TMEM178B: variants seen among roughly 807,000 people sequenced by gnomAD.
The protein encoded by TMEM178B is transmembrane protein 178B.
A neutral mutation model predicts 31.0 loss-of-function variants in TMEM178B; 5 were observed. The ratio of observed to expected loss-of-function variants is 0.16; its 90% CI spans 0.08 to 0.34. The LOEUF is 0.34. Among genes scored for constraint, TMEM178B ranks in the 10% least tolerant of loss-of-function variants. The pLI is 1.00. For synonymous variants in TMEM178B, 164 were observed against 164.0 expected (o/e 1.00, Z 0.00); for missense variants, 275 against 400.3 (o/e 0.69, Z 2.67).
chr7:141,301,086 T>C (rs1798716996), intron 2 of TMEM178B, among the ~76,000 whole-genome samples: 1 of 152,158 alleles, frequency 6.6e-6, no homozygotes, highest in Non-Finnish European at 1.5e-5. Flanking sequence ...TCCAGATCCT[T>C]CTGAGTACCG....
intron 2 of TMEM178B, among the ~76,000 whole-genome samples, chr7:141,345,726 C>T (rs1006556721): frequency 6.6e-6 from 1 of 152,170 alleles, no homozygotes; most frequent in Non-Finnish European, 1.5e-5. Context: ...AGTTTAACTA[C>T]TAACTCAAAT....
At chr7:141,132,003 G>A (rs145256406) in intron 1 of TMEM178B, among the ~76,000 whole-genome samples, 10 of 152,104 alleles carry the variant, frequency 6.6e-5, no homozygotes, top group African/African-American at 1.9e-4. Context: ...GTTTGTACAC[G>A]CACTCATTTC....
chr7:141,083,507 C>G (rs945304687), intron 1 of TMEM178B, among the ~76,000 whole-genome samples: 13 of 147,644 alleles, frequency 8.8e-5, no homozygotes, highest in Non-Finnish European at 1.5e-4. Context: ...GAGAGAGAGA[C>G]AGACAGACAG....
chr7:141,160,579 A>C (rs73167446), intron 1 of TMEM178B, among the ~76,000 whole-genome samples: 3 of 152,180 alleles, frequency 2.0e-5, no homozygotes, highest in Non-Finnish European at 4.4e-5. Context: ...GGTGGCCAGA[A>C]GAGTGCTTGC....
At chr7:141,260,458 G>A (rs1195083917) in intron 2 of TMEM178B, among the ~76,000 whole-genome samples, 1 of 152,014 alleles carries the variant, frequency 6.6e-6, no homozygotes, top group African/African-American at 2.4e-5. Context: ...CGTTTGTTGG[G>A]AAAAGGATTT....
chr7:141,388,687 C>A (rs1198313741), intron 2 of TMEM178B, among the ~76,000 whole-genome samples: 2 of 152,174 alleles, frequency 1.3e-5, no homozygotes, highest in Non-Finnish European at 2.9e-5. Flanking sequence ...CCAATCACTG[C>A]AACATAAGTG....
intron 2 of TMEM178B, among the ~76,000 whole-genome samples, chr7:141,425,365 C>G (rs776731193): frequency 2.0e-5 from 3 of 152,200 alleles, no homozygotes; most frequent in Non-Finnish European, 4.4e-5. Context: ...ACTTTGCACT[C>G]TGCACAGCTC....
rs477223 is a variant in TMEM178B at position 141,074,667 on chromosome 7, C to G, written c.357C>G (p.Pro119=). The G allele has an allele frequency of 0.71, 1,080,511 of 1,511,750 alleles. 389,577 individuals carry two copies. Among genetic ancestry groups the G allele is most frequent in the Admixed American group, 0.82 (40,003 of 49,018 alleles). 93.6% of individuals were successfully genotyped at this position (1,511,750 alleles called of 1,614,324 possible). ...WRKCHRQGFD[P]EIAALIRKGE... ...AGTGCCACCGGCAGGGCTTCGACCC[C>G]GAGATCGCCGCCCTCATTCGGAAAG... The change falls in exon 1 of 4, where the codon CCC becomes CCG. Residue 119 remains proline, a synonymous_variant. Transcript: ENST00000565468. The surrounding 1 kb of genome is among the most constrained non-coding windows in gnomAD (Gnocchi z 5.1).
intron 2 of TMEM178B, among the ~76,000 whole-genome samples, chr7:141,363,935 A>G: frequency 6.6e-6 from 1 of 151,552 alleles, no homozygotes; most frequent in Non-Finnish European, 1.5e-5. Flanking sequence ...AAGAATATTT[A>G]AAAATGAAAA....
At chr7:141,337,125 C>G (rs1369026827) in intron 2 of TMEM178B, among the ~76,000 whole-genome samples, 1 of 63,290 alleles carries the variant, frequency 1.6e-5, no homozygotes, top group Non-Finnish European at 2.9e-5. Flanking sequence ...ACCATCACCA[C>G]CATCACCACC....
At chr7:141,183,988 A>T (rs563845550) in intron 1 of TMEM178B, among the ~76,000 whole-genome samples, 1 of 152,262 alleles carries the variant, frequency 6.6e-6, no homozygotes, top group South Asian at 2.1e-4. Flanking sequence ...TCAACCAGTG[A>T]TGCTTCTTGG....
intron 2 of TMEM178B, among the ~76,000 whole-genome samples, chr7:141,350,770 T>C (rs1438149163): frequency 2.6e-5 from 4 of 152,222 alleles, no homozygotes; most frequent in Non-Finnish European, 5.9e-5. Flanking sequence ...ATTTTTGTTT[T>C]CTTTTTCTTA....
chr7:141,159,741 A>G (rs2129181459), intron 1 of TMEM178B, among the ~76,000 whole-genome samples: 1 of 152,256 alleles, frequency 6.6e-6, no homozygotes, highest in South Asian at 2.1e-4. Flanking sequence ...ATGAGATAGA[A>G]TATTCTTTCT....
At chr7:141,380,204 A>C (rs1800288756) in intron 2 of TMEM178B, among the ~76,000 whole-genome samples, 1 of 152,300 alleles carries the variant, frequency 6.6e-6, no homozygotes, top group Non-Finnish European at 1.5e-5. Flanking sequence ...ACTAGCCTAG[A>C]ACTGATTGTA....
chr7:141,359,185 C>T (rs1563161276), intron 2 of TMEM178B, among the ~76,000 whole-genome samples: 1 of 152,190 alleles, frequency 6.6e-6, no homozygotes, highest in African/African-American at 2.4e-5. Flanking sequence ...AATACCTTTT[C>T]ACTCAGTGTT....
intron 2 of TMEM178B, among the ~76,000 whole-genome samples, chr7:141,255,571 G>T (rs905951836): frequency 6.6e-6 from 1 of 152,044 alleles, no homozygotes; most frequent in Non-Finnish European, 1.5e-5. Context: ...GAATTTTAAA[G>T]TATAAGGACA....
chr7:141,383,335 A>G (rs1202119220), intron 2 of TMEM178B, among the ~76,000 whole-genome samples: 6 of 150,536 alleles, frequency 4.0e-5, no homozygotes, highest in Admixed American at 4.0e-4. Context: ...CGTCATTTAC[A>G]TTAGGTGTGT....
intron 2 of TMEM178B, among the ~76,000 whole-genome samples, chr7:141,224,886 G>A (rs1229820118): frequency 6.6e-6 from 1 of 152,144 alleles, no homozygotes; most frequent in East Asian, 1.9e-4. Flanking sequence ...TCCCACATTG[G>A]GCACTTCTTG....
chr7:141,283,041 G>A (rs374540034), intron 2 of TMEM178B, among the ~76,000 whole-genome samples: 15 of 152,236 alleles, frequency 9.9e-5, no homozygotes, highest in African/African-American at 3.6e-4. Context: ...ATGAGGGAGG[G>A]ACTATTACTA....
Sources: allele counts gnomAD v4.1 joint callset (sites outside exome capture counted in the v4.1 genomes callset), GRCh38; gene constraint gnomAD v4.1.1; non-coding constraint Gnocchi (gnomAD v3.1); transcripts MANE v1.5; gene names NCBI Gene and HGNC (gene_info 2026-07-23, HGNC 2026-07-21).